The following GSE1 variants were observed in gnomAD, a reference collection of about 807,000 sequenced individuals.
The protein encoded by GSE1 is Gse1 coiled-coil protein.
Under a neutral mutation model 112.6 loss-of-function variants are expected in GSE1, and 32 were observed. The observed-to-expected ratio is 0.28, with a 90% CI of 0.21 to 0.38. The LOEUF is 0.38. GSE1 is among the 10% of genes least tolerant of loss of function. The pLI, the probability that GSE1 is intolerant of heterozygous loss-of-function variation, is 1.00. For missense variants in GSE1, 2,348 were observed against 1,699.2 expected (o/e 1.38, Z -6.71); for synonymous variants, 1,115 against 735.6 (o/e 1.52, Z -8.35).
chr16:85,549,438 A>G (rs2044826063), intron 2 of GSE1, among the ~76,000 whole-genome samples: 1 of 152,156 alleles, frequency 6.6e-6, no homozygotes, highest in Non-Finnish European at 1.5e-5. Context: ...TCGGCCTCCC[A>G]AAGTGTTGGG....
chr16:85,486,829 C>T (rs1450803672), intron 2 of GSE1, among the ~76,000 whole-genome samples: 2 of 152,252 alleles, frequency 1.3e-5, no homozygotes, highest in African/African-American at 4.8e-5. Flanking sequence ...CCCGGCATGG[C>T]TGGGGCCTCG....
chr16:85,220,955 A>G, intron 1 of GSE1, among the ~76,000 whole-genome samples: 1 of 13,298 alleles, frequency 7.5e-5, no homozygotes, highest in East Asian at 3.4e-3. Context: ...CCCCTCCTCC[A>G]GTGGCCCCTC....
intron 2 of GSE1, among the ~76,000 whole-genome samples, chr16:85,547,171 A>G (rs974593191): frequency 1.3e-5 from 2 of 152,346 alleles, no homozygotes; most frequent in Non-Finnish European, 2.9e-5. Context: ...CCAGACTTGG[A>G]CAATGCCCAG....
intron 1 of GSE1, among the ~76,000 whole-genome samples, chr16:85,257,288 T>G (rs1294858896): frequency 6.6e-6 from 1 of 152,120 alleles, no homozygotes. Context: ...TTTTGTATTT[T>G]TAGTAGAGAT....
chr16:85,571,314 C>G (rs989260071), intron 1 of GSE1, among the ~76,000 whole-genome samples: 5 of 152,232 alleles, frequency 3.3e-5, no homozygotes, highest in African/African-American at 1.2e-4. Context: ...TAGCATAGAT[C>G]CGTGGCTATC....
chr16:85,191,074 C>T (rs1017831152), intron 1 of GSE1, among the ~76,000 whole-genome samples: 1 of 152,194 alleles, frequency 6.6e-6, no homozygotes, highest in Non-Finnish European at 1.5e-5. Flanking sequence ...GCCTGGCCAA[C>T]ATGGTGAAAC....
At chr16:85,488,118 A>C (rs2050901006) in intron 2 of GSE1, among the ~76,000 whole-genome samples, 1 of 152,156 alleles carries the variant, frequency 6.6e-6, no homozygotes, top group Admixed American at 6.5e-5. Context: ...CTCTGCAGCC[A>C]GGAAGGAAGC....
At chr16:85,302,853 G>A (rs1236749420) in intron 1 of GSE1, among the ~76,000 whole-genome samples, 1 of 152,196 alleles carries the variant, frequency 6.6e-6, no homozygotes, top group Non-Finnish European at 1.5e-5. Flanking sequence ...GTAACCCTGC[G>A]TCTTCAGTGG....
chr16:85,381,291 C>T (rs1219785154), intron 2 of GSE1, among the ~76,000 whole-genome samples: 7 of 152,200 alleles, frequency 4.6e-5, no homozygotes, highest in Middle Eastern at 3.2e-3. Context: ...CGAACTTCAT[C>T]CCTTTTTATG....
rs532901185 is a variant in GSE1 at position 85,445,225 on chromosome 16, C to T, written c.2464+87582C>T. The stretch of plus-strand genomic sequence containing the variant: ...CCCCTTGCTGCTTGCTCTCCTCTCC[C>T]GGGAGCAGCTGCCACGTGCGGTAAT... On this transcript the variant is annotated intron_variant, in intron 2 of 2. Transcript: ENST00000637419. 3.2e-4 allele frequency among the ~76,000 whole-genome samples: 48 copies of T among 152,358 alleles called. No homozygotes were observed. The East Asian group carries it at 6.8e-3, about 21-fold the overall frequency.
At chr16:85,604,742 CAAAAAAAAAAAAAAAAA>C (rs36152099) in intron 1 of GSE1, among the ~76,000 whole-genome samples, 5 of 606 alleles carry the variant, frequency 8.3e-3, no homozygotes, top group African/African-American at 0.014. Context: ...GAGATTCTGT[CAAAAAAAAAAAAAAAAA>C]AAAAAAAAAA....
chr16:85,560,391 G>A (rs1323817477), intron 1 of GSE1, among the ~76,000 whole-genome samples: 1 of 152,090 alleles, frequency 6.6e-6, no homozygotes. Flanking sequence ...CCAAAGTGCT[G>A]GGATTACAGG....
chr16:85,424,368 G>A (rs898255184), intron 2 of GSE1, among the ~76,000 whole-genome samples: 1 of 152,234 alleles, frequency 6.6e-6, no homozygotes, highest in South Asian at 2.1e-4. Context: ...CTCATGGGGA[G>A]GCTGGGGGCT....
intron 2 of GSE1, among the ~76,000 whole-genome samples, chr16:85,431,763 G>A (rs2049128459): frequency 6.6e-6 from 1 of 152,220 alleles, no homozygotes; most frequent in Non-Finnish European, 1.5e-5. Flanking sequence ...GGGCCGCCTT[G>A]CCTCCCTGGC....
chr16:85,204,059 C>T (rs575881503), intron 1 of GSE1, among the ~76,000 whole-genome samples: 17 of 152,350 alleles, frequency 1.1e-4, no homozygotes, highest in African/African-American at 3.4e-4. Flanking sequence ...CATGAGCCGC[C>T]GTGCCTGGCC....
chr16:85,653,985 A>G (rs552337638), intron 3 of GSE1, among the ~76,000 whole-genome samples: 3 of 152,170 alleles, frequency 2.0e-5, no homozygotes, highest in East Asian at 3.9e-4. Flanking sequence ...TCACCTGCAC[A>G]CATTGTGTTT....
chr16:85,408,131 C>T, intron 2 of GSE1, among the ~76,000 whole-genome samples: 1 of 48,902 alleles, frequency 2.0e-5, no homozygotes, highest in Non-Finnish European at 4.2e-5. Flanking sequence ...CTCAGGCCCC[C>T]TGGATAATCC....
chr16:85,295,794 G>A (rs1285681373), intron 1 of GSE1, among the ~76,000 whole-genome samples: 2 of 150,070 alleles, frequency 1.3e-5, no homozygotes, highest in East Asian at 3.9e-4. Context: ...TTGTAGAGAT[G>A]GGGTCTCTCT....
intron 1 of GSE1, among the ~76,000 whole-genome samples, chr16:85,569,684 G>T (rs891587805): frequency 6.6e-6 from 1 of 152,204 alleles, no homozygotes; most frequent in Non-Finnish European, 1.5e-5. Context: ...AGCACACACG[G>T]GTATATGCGG....
Sources: gnomAD v4.1 joint callset for allele counts (sites outside exome capture counted in the v4.1 genomes callset) on GRCh38, gnomAD v4.1.1 for gene constraint, MANE v1.5 for transcripts, NCBI Gene and HGNC (gene_info 2026-07-23, HGNC 2026-07-21) for gene names.